UNC79: variants seen among roughly 807,000 people sequenced by gnomAD.
The protein encoded by UNC79 is protein unc-79 homolog.
UNC79 carries 37 observed loss-of-function variants against 283.1 expected under a neutral mutation model. The observed-to-expected ratio is 0.13, with a 90% CI of 0.10 to 0.17. UNC79 has a LOEUF of 0.17. UNC79 is among the 10% of genes least tolerant of loss of function. The pLI, the probability that UNC79 is intolerant of heterozygous loss-of-function variation, is 1.00. For missense variants in UNC79, 2,272 were observed against 3,211.1 expected (o/e 0.71, Z 7.07); for synonymous variants, 1,107 against 1,200.2 (o/e 0.92, Z 1.61).
intron 12 of UNC79, 45 bp downstream of exon 12, chr14:93,538,263 G>A: frequency 6.7e-7 from 1 of 1,488,074 alleles, no homozygotes; most frequent in South Asian, 1.4e-5. Context: ...ACTCCACCTT[G>A]CTTTGAGCTA....
intron 1 of UNC79, among the ~76,000 whole-genome samples, chr14:93,424,359 G>A (rs1044504747): frequency 6.6e-6 from 1 of 152,040 alleles, no homozygotes; most frequent in Non-Finnish European, 1.5e-5. Context: ...CTCCTTCTAG[G>A]TATATACCCA....
At chr14:93,516,838 T>C (rs1337796262) in intron 7 of UNC79, among the ~76,000 whole-genome samples, 1 of 152,086 alleles carries the variant, frequency 6.6e-6, no homozygotes, top group African/African-American at 2.4e-5. Flanking sequence ...TTTTCATCCA[T>C]GAACATGGTA....
intron 1 of UNC79, among the ~76,000 whole-genome samples, chr14:93,436,891 A>G (rs1453680166): frequency 6.6e-6 from 1 of 152,148 alleles, no homozygotes; most frequent in African/African-American, 2.4e-5. Context: ...TTCAAGACCA[A>G]TGTTACCAAC....
At chr14:93,417,111 T>G (rs1421364662) in intron 1 of UNC79, among the ~76,000 whole-genome samples, 2 of 152,368 alleles carry the variant, frequency 1.3e-5, no homozygotes, top group Non-Finnish European at 2.9e-5. Context: ...AGTTTCTTCC[T>G]AGCCTCGATG....
intron 1 of UNC79, among the ~76,000 whole-genome samples, chr14:93,445,828 T>C (rs974018225): frequency 6.6e-6 from 1 of 152,198 alleles, no homozygotes; most frequent in Admixed American, 6.5e-5. Context: ...TAAATTCTTC[T>C]TAAGTCAGTT....
chr14:93,696,916 C>T (rs145870132), intron 47 of UNC79, among the ~76,000 whole-genome samples: 50 of 152,202 alleles, frequency 3.3e-4, no homozygotes, highest in African/African-American at 1.1e-3. Flanking sequence ...TGTTAGTTTA[C>T]ATCTGTGATC....
At chr14:93,405,004 C>T (rs926371844) in intron 1 of UNC79, among the ~76,000 whole-genome samples, 1 of 151,826 alleles carries the variant, frequency 6.6e-6, no homozygotes, top group Admixed American at 6.6e-5. Flanking sequence ...CAAGAAGAGT[C>T]GGGAGGGGTG....
intron 5 of UNC79, among the ~76,000 whole-genome samples, chr14:93,491,483 G>A (rs968315846): frequency 1.3e-5 from 2 of 152,094 alleles, no homozygotes; most frequent in South Asian, 4.1e-4. Context: ...GTAAAGCAGG[G>A]TGCTTTGAGA....
At chr14:93,357,770 G>GAT (rs1566889836) in intron 1 of UNC79, among the ~76,000 whole-genome samples, 10 of 62,310 alleles carry the variant, frequency 1.6e-4, no homozygotes, top group African/African-American at 9.5e-4. Flanking sequence ...TATATATATG[G>GAT]ATATGTGGAT....
intron 10 of UNC79, among the ~76,000 whole-genome samples, chr14:93,530,403 T>C (rs2060752061): frequency 6.6e-6 from 1 of 150,486 alleles, no homozygotes; most frequent in Admixed American, 6.6e-5. Context: ...AAACTCTGTC[T>C]CTACTAAAAA....
intron 26 of UNC79, among the ~76,000 whole-genome samples, chr14:93,610,811 A>G (rs1040865925): frequency 3.9e-5 from 6 of 151,996 alleles, no homozygotes; most frequent in African/African-American, 1.2e-4. Flanking sequence ...AGGTCTTGTC[A>G]TGTTGCCTAG....
intron 1 of UNC79, among the ~76,000 whole-genome samples, chr14:93,393,599 G>A (rs182611817): frequency 2.7e-3 from 404 of 152,266 alleles, no homozygotes; most frequent in African/African-American, 9.2e-3. Flanking sequence ...CAGAAACACA[G>A]TCAAGTGAAC....
At chr14:93,586,476 A>G in intron 20 of UNC79, 120 bp from the exon 21 acceptor site, 2 of 846,548 alleles carry the variant, frequency 2.4e-6, no homozygotes, top group Non-Finnish European at 3.6e-6. Context: ...AAGTTTTCTC[A>G]AACAATTTTG....
rs545504798 is a variant in UNC79 at position 93,515,168 on chromosome 14, T to G, written c.899-8810T>G. On this transcript the variant is annotated intron_variant, in intron 7 of 48. Coordinates refer to ENST00000555664, the Ensembl canonical transcript of UNC79. ...TAAATTTTGATTATTATATATCTTTTCTTTCTAAAGTTTTGTAGCCTTTGA... is the reference window on the plus strand; with the variant it reads ...TAAATTTTGATTATTATATATCTTTGCTTTCTAAAGTTTTGTAGCCTTTGA... 4.6e-5 allele frequency among the ~76,000 whole-genome samples: 7 copies of G among 152,286 alleles called. No individual in the cohort carries two copies. In the South Asian group the frequency reaches 1.5e-3, roughly 32 times the overall value.
chr14:93,688,953 A>G lies in UNC79; in HGVS notation c.7085+113A>G. ...CACCGAAGATTTATGACAGTGGAATATACTTGGTTAGGAAGATGGAAATCA... is the reference window on the plus strand; with the variant it reads ...CACCGAAGATTTATGACAGTGGAATGTACTTGGTTAGGAAGATGGAAATCA... On this transcript the variant is annotated intron_variant, in intron 44 of 48. Coordinates refer to ENST00000555664, the Ensembl canonical transcript of UNC79. The surrounding 1 kb of genome is among the most constrained non-coding windows in gnomAD (Gnocchi z 4.0). The G allele has an allele frequency of 8.5e-7, 1 of 1,177,616 alleles. No homozygotes were observed. The highest frequency in any genetic ancestry group is 2.0e-5 in the South Asian group (1 of 50,954). 72.9% of individuals were successfully genotyped at this position (1,177,616 alleles called of 1,614,324 possible).
intron 17 of UNC79, among the ~76,000 whole-genome samples, chr14:93,577,109 A>G (rs2063519366): frequency 6.6e-6 from 1 of 152,130 alleles, no homozygotes; most frequent in African/African-American, 2.4e-5. Context: ...CTGAGGTGGG[A>G]GGATTGCTTG....
chr14:93,418,080 A>T (rs1363807043), intron 1 of UNC79, among the ~76,000 whole-genome samples: 1 of 151,686 alleles, frequency 6.6e-6, no homozygotes, highest in African/African-American at 2.4e-5. Context: ...GTTCCTTTGG[A>T]GGAGGAGAGG....
At chr14:93,449,638 G>GAA (rs1382520068) in intron 1 of UNC79, among the ~76,000 whole-genome samples, 1 of 151,102 alleles carries the variant, frequency 6.6e-6, no homozygotes, top group Non-Finnish European at 1.5e-5. Context: ...AAAAGAAAAA[G>GAA]AAAAAAACCA....
intron 33 of UNC79, among the ~76,000 whole-genome samples, chr14:93,641,748 A>G (rs1456328511): frequency 1.3e-5 from 2 of 152,340 alleles, no homozygotes; most frequent in Middle Eastern, 3.4e-3. Flanking sequence ...CCTGATTGAT[A>G]AATTAGGTAG....
Sources: gnomAD v4.1 joint callset for allele counts (sites outside exome capture counted in the v4.1 genomes callset) on GRCh38, gnomAD v4.1.1 for gene constraint, Gnocchi (gnomAD v3.1) non-coding constraint, MANE v1.5 for transcripts, NCBI Gene and HGNC (gene_info 2026-07-23, HGNC 2026-07-21) for gene names.